Variants in PNKD observed in about 807,000 individuals in gnomAD.
PNKD encodes the protein probable thioesterase PNKD.
Under a neutral mutation model 45.3 loss-of-function variants are expected in PNKD, and 36 were observed. That is an observed-to-expected ratio of 0.80 (90% CI 0.61 to 1.05). The LOEUF is 1.05. PNKD is among the 50% of genes least tolerant of loss of function. The pLI is 0.00. For synonymous variants in PNKD, 197 were observed against 210.1 expected (o/e 0.94, Z 0.54); for missense variants, 511 against 506.6 (o/e 1.01, Z -0.08).
intron 2 of PNKD, chr2:218,277,420 C>G (rs1165404843): frequency 1.9e-6 from 3 of 1,614,070 alleles, no homozygotes; most frequent in East Asian, 4.5e-5. Flanking sequence ...CAGTGATGAT[C>G]ATTGCAATGA....
At chr2:218,333,788 G>A (rs556770055) in intron 2 of PNKD, among the ~76,000 whole-genome samples, 274 of 152,088 alleles carry the variant, frequency 1.8e-3, no homozygotes, top group Middle Eastern at 6.8e-3. Flanking sequence ...TCTGTCAGAG[G>A]AAAGGGTGAT....
At chr2:218,334,962 C>T (rs976945183) in intron 2 of PNKD, among the ~76,000 whole-genome samples, 1 of 150,928 alleles carries the variant, frequency 6.6e-6, no homozygotes, top group Non-Finnish European at 1.5e-5. Context: ...AGCCTGGGAG[C>T]GAATCAAGAC....
intron 2 of PNKD, among the ~76,000 whole-genome samples, chr2:218,319,464 C>T (rs1419205400): frequency 6.6e-6 from 1 of 150,806 alleles, no homozygotes; most frequent in Non-Finnish European, 1.5e-5. Flanking sequence ...CAACCTCCGC[C>T]TCTTAGGTTC....
At chr2:218,289,375 C>T (rs1306373945) in intron 2 of PNKD, among the ~76,000 whole-genome samples, 1 of 152,142 alleles carries the variant, frequency 6.6e-6, no homozygotes, top group Admixed American at 6.5e-5. Flanking sequence ...GGCGCGGTGG[C>T]TCATGCCTGT....
At chr2:218,332,366 A>G (rs1330895129) in intron 2 of PNKD, among the ~76,000 whole-genome samples, 1 of 152,202 alleles carries the variant, frequency 6.6e-6, no homozygotes, top group Non-Finnish European at 1.5e-5. Flanking sequence ...GGCCTTTCCC[A>G]GAAAGAGAAG....
chr2:218,282,781 G>A (rs1692157608), intron 2 of PNKD, among the ~76,000 whole-genome samples: 2 of 152,240 alleles, frequency 1.3e-5, no homozygotes, highest in African/African-American at 4.8e-5. Context: ...GGGGGCCAGT[G>A]GCAGGCTGAG....
At chr2:218,278,243 C>G (rs1691454385) in intron 2 of PNKD, 1 of 604,304 alleles carries the variant, frequency 1.7e-6, no homozygotes, top group East Asian at 2.8e-5. Flanking sequence ...GAGAAAGTTA[C>G]TCAGCCTCTT....
At chr2:218,304,088 A>G (rs1326532325) in intron 2 of PNKD, among the ~76,000 whole-genome samples, 1 of 152,148 alleles carries the variant, frequency 6.6e-6, no homozygotes, top group Non-Finnish European at 1.5e-5. Context: ...GGCTCACCCC[A>G]GACTGGCTTA....
chr2:218,344,680 C>T (rs1386141443), intron 9 of PNKD, 110 bp downstream of exon 9: 2 of 1,388,470 alleles, frequency 1.4e-6, no homozygotes, highest in Non-Finnish European at 2.0e-6. Flanking sequence ...ACTCTGACCT[C>T]TTTGGCCCAT....
chr2:218,270,844 C>T (rs1690801319), intron 1 of PNKD: 1 of 393,856 alleles, frequency 2.5e-6, no homozygotes, highest in Non-Finnish European at 4.5e-6. Flanking sequence ...CTGTTGGACT[C>T]CCGCGCTCCA....
At chr2:218,283,441 A>G (rs1692228052) in intron 2 of PNKD, among the ~76,000 whole-genome samples, 6 of 152,186 alleles carry the variant, frequency 3.9e-5, no homozygotes, top group Admixed American at 3.9e-4. Context: ...GCAGAGATGC[A>G]GGCTTAGGAG....
rs1378903317 is a variant in PNKD, at chr2:218,345,776, C to T, written c.*795C>T. The T allele has an allele frequency of 6.6e-6, 1 of 152,528 alleles. No individual in the cohort carries two copies. Among genetic ancestry groups the T allele is most frequent in the African/African-American group, 2.4e-5 (1 of 41,466 alleles). 9.4% of individuals were successfully genotyped at this position (152,528 alleles called of 1,614,324 possible). ...TGTACCCACTGGCCTCTGCCTCTGCCCTGGGCCAAAAGGGCCCCTCCTTGC... is the reference window on the plus strand; with the variant it reads ...TGTACCCACTGGCCTCTGCCTCTGCTCTGGGCCAAAAGGGCCCCTCCTTGC... On this transcript the variant is annotated 3_prime_UTR_variant, in exon 10 of 10. Coordinates refer to ENST00000273077, the MANE Select transcript of PNKD (RefSeq NM_015488.5).
chr2:218,336,788 C>CTTT (rs71064439), intron 2 of PNKD, among the ~76,000 whole-genome samples: 12 of 29,142 alleles, frequency 4.1e-4, no homozygotes, highest in Non-Finnish European at 7.3e-4. Flanking sequence ...GCCTTCAATT[C>CTTT]TTTTTTTTTT....
intron 9 of PNKD, 44 bp downstream of exon 9, chr2:218,344,614 C>G (rs1421454279): frequency 6.5e-7 from 1 of 1,531,636 alleles, no homozygotes; most frequent in Non-Finnish European, 9.0e-7. Flanking sequence ...GGCAGGCACT[C>G]AGCCCCAACG....
intron 2 of PNKD, among the ~76,000 whole-genome samples, chr2:218,336,108 G>A (rs1039439628): frequency 3.3e-5 from 5 of 151,362 alleles, no homozygotes; most frequent in South Asian, 2.1e-4. Flanking sequence ...CCAGCTACTC[G>A]GGAGGCTGAG....
Position 218,277,211 on chromosome 2 carries a change from C to T in PNKD, c.236+5662C>T, listed in dbSNP as rs1691308862. 23 of 1,165,022 alleles carry T rather than the reference C, an allele frequency of 2.0e-5. No individual in the cohort carries two copies. In the Admixed American group the frequency reaches 2.3e-4, roughly 12 times the overall value. 72.2% of individuals were successfully genotyped at this position (1,165,022 alleles called of 1,614,324 possible). A position where few individuals can be genotyped will look rare whatever the true frequency, so the allele number is the denominator to read the frequency against. On this transcript the variant is annotated intron_variant, in intron 2 of 9. Coordinates refer to ENST00000273077, the MANE Select transcript of PNKD (RefSeq NM_015488.5). ...GCCTCCTAGGGGGTATGGGAATGTCCACAACATTCTAAGGACAGAAACAGG... is the reference window on the plus strand; with the variant it reads ...GCCTCCTAGGGGGTATGGGAATGTCTACAACATTCTAAGGACAGAAACAGG...
chr2:218,282,281 AG>A, intron 2 of PNKD: 1 of 658,410 alleles, frequency 1.5e-6, no homozygotes, highest in East Asian at 3.4e-5. Flanking sequence ...CTCCGTGGAG[AG>A]GAACACCACC....
intron 2 of PNKD, chr2:218,277,823 T>G: frequency 6.4e-7 from 1 of 1,554,972 alleles, no homozygotes; most frequent in Non-Finnish European, 8.8e-7. Context: ...GCGGCCCAGA[T>G]AAGGTGGAGG....
At chr2:218,321,654 G>A (rs1315202764) in intron 2 of PNKD, among the ~76,000 whole-genome samples, 1 of 188 alleles carries the variant, frequency 5.3e-3, no homozygotes, top group South Asian at 0.045. Context: ...TTGAGACGGA[G>A]TCTCACCCCT....
Sources: allele counts gnomAD v4.1 joint callset (sites outside exome capture counted in the v4.1 genomes callset), GRCh38; gene constraint gnomAD v4.1.1; transcripts MANE v1.5; gene names NCBI Gene and HGNC (gene_info 2026-07-23, HGNC 2026-07-21).